Variants in CKAP5 observed in about 807,000 individuals in gnomAD.
The protein encoded by CKAP5 is cytoskeleton associated protein 5, also known as cytoskeleton-associated protein 5.
In CKAP5, 27 loss-of-function variants were observed where a neutral mutation model predicts 232.8. That is an observed-to-expected ratio of 0.12 (90% confidence interval 0.09 to 0.16). The LOEUF (loss-of-function observed/expected upper bound fraction) is 0.16. Ranked by LOEUF, CKAP5 falls within the 10% of genes least tolerant of loss-of-function variation. The pLI is 1.00. For synonymous variants in CKAP5, 785 were observed against 841.1 expected, an observed-to-expected ratio of 0.93 and a Z score of 1.16; for missense variants, 1,838 against 2,424.7, an observed-to-expected ratio of 0.76 and a Z score of 5.08.
At position 46,792,815 on chromosome 11, in the gene CKAP5, G is replaced by A. The variant is rs1938772626; in HGVS notation, c.1651-2232C>T. Reference sequence around the variant, plus strand: ...CAAGTGGGTTACAGCAAGAAAATCTGGACACATCTTTTAAGGTTTTGGGTC... The same window carrying A: ...CAAGTGGGTTACAGCAAGAAAATCTAGACACATCTTTTAAGGTTTTGGGTC... On this transcript the variant is annotated intron_variant, in intron 13 of 43. Coordinates refer to ENST00000529230, the MANE Select transcript of CKAP5 (RefSeq NM_001008938.4). Among the ~76,000 whole-genome samples the A allele has an allele frequency of 2.0e-5, 3 of 152,252 alleles. No homozygotes were observed. In the South Asian group the frequency reaches 6.2e-4, roughly 32 times the overall value.
intron 23 of CKAP5, 150 bp from the exon 24 acceptor site, chr11:46,776,533 G>C (rs188812677): frequency 5.9e-5 from 31 of 529,516 alleles, no homozygotes; most frequent in African/African-American, 5.1e-4. Flanking sequence ...ACAGAAACTA[G>C]TTCTATGATT....
chr11:46,776,607 T>C (rs1358740917), intron 23 of CKAP5, among the ~76,000 whole-genome samples: 1 of 152,188 alleles, frequency 6.6e-6, no homozygotes, highest in East Asian at 1.9e-4. Context: ...GTGTACTCAG[T>C]TAATCAGGCA....
intron 8 of CKAP5, among the ~76,000 whole-genome samples, chr11:46,806,038 T>C (rs1939146335): frequency 1.3e-5 from 2 of 152,250 alleles, no homozygotes; most frequent in South Asian, 4.1e-4. Context: ...AAGTTAACTT[T>C]TCATTGTTTT....
intron 18 of CKAP5, 139 bp downstream of exon 18, chr11:46,783,135 G>A: frequency 7.9e-6 from 4 of 506,142 alleles, no homozygotes; most frequent in Non-Finnish European, 1.0e-5. Flanking sequence ...GAGAACAAAG[G>A]TAATTTTCTT....
chr11:46,770,643 G>A (rs1327556885), intron 25 of CKAP5, 145 bp downstream of exon 25: 10 of 686,320 alleles, frequency 1.5e-5, no homozygotes, highest in Non-Finnish European at 1.2e-5. Flanking sequence ...TGGCCAGGCT[G>A]GTCTTGAACT....
chr11:46,758,677 A>T, intron 35 of CKAP5: 1 of 368,474 alleles, frequency 2.7e-6, no homozygotes, highest in Non-Finnish European at 4.9e-6. Context: ...ACTGTACTCC[A>T]GCCTGGACAA....
At chr11:46,831,539 T>C (rs904485306) in intron 1 of CKAP5, among the ~76,000 whole-genome samples, 1 of 152,218 alleles carries the variant, frequency 6.6e-6, no homozygotes, top group Non-Finnish European at 1.5e-5. Context: ...TTCTGTTTTT[T>C]GTTTTTTGAG....
intron 16 of CKAP5, among the ~76,000 whole-genome samples, chr11:46,785,950 C>T (rs2065388545): frequency 3.3e-5 from 5 of 151,798 alleles, no homozygotes; most frequent in Non-Finnish European, 1.5e-5. Context: ...TTGTCTCAAA[C>T]CCCCAAAATT....
At chr11:46,752,183 TATATATATATACACACAC>T (rs1159366404) in intron 38 of CKAP5, among the ~76,000 whole-genome samples, 16 of 65,642 alleles carry the variant, frequency 2.4e-4, no homozygotes, top group African/African-American at 6.9e-4. Context: ...TATATATATA[TATATATATATACACACAC>T]ACACACACAC....
At chr11:46,745,795 T>A (rs2065018134) in intron 42 of CKAP5, among the ~76,000 whole-genome samples, 1 of 151,528 alleles carries the variant, frequency 6.6e-6, no homozygotes, top group African/African-American at 2.4e-5. Flanking sequence ...TTAAAAAAAA[T>A]TCAAAAATTA....
chr11:46,786,708 C>T (rs879670597), intron 16 of CKAP5, among the ~76,000 whole-genome samples: 6 of 152,136 alleles, frequency 3.9e-5, no homozygotes, highest in Admixed American at 3.9e-4. Flanking sequence ...CCAGGAAAGA[C>T]TGAAAAGGGC....
intron 42 of CKAP5, among the ~76,000 whole-genome samples, chr11:46,747,654 T>C (rs542202509): frequency 5.0e-4 from 73 of 145,830 alleles, no homozygotes; most frequent in Middle Eastern, 7.3e-3. Flanking sequence ...AACAAAGATG[T>C]GAAAGAGGAA....
intron 20 of CKAP5, among the ~76,000 whole-genome samples, chr11:46,778,995 G>C (rs1433091516): frequency 6.6e-6 from 1 of 152,096 alleles, no homozygotes; most frequent in Non-Finnish European, 1.5e-5. Context: ...CAGGAGAATT[G>C]CTTGAACCTG....
rs528385820 is a variant in CKAP5 at position 46,823,960 on chromosome 11, A to T, written c.-37-2692T>A. On this transcript the variant is annotated intron_variant, in intron 1 of 43. Coordinates refer to ENST00000529230, the MANE Select transcript of CKAP5 (RefSeq NM_001008938.4). The stretch of plus-strand genomic sequence containing the variant: ...TTTATTGAATATATACTCTGGTAAT[A>T]TCTATTCTGAATCAGGCATGGTGCA... Among the ~76,000 whole-genome samples, 6 of 152,296 alleles carry T rather than the reference A, an allele frequency of 3.9e-5. No individual in the cohort carries two copies. In the South Asian group the frequency reaches 1.2e-3, roughly 32 times the overall value.
chr11:46,821,061 C>A, intron 2 of CKAP5, 114 bp downstream of exon 2: 1 of 613,136 alleles, frequency 1.6e-6, no homozygotes, highest in South Asian at 2.9e-5. Context: ...TCTAACAAGG[C>A]ATCAGTATTT....
chr11:46,798,901 T>C (rs1938961464), intron 9 of CKAP5, among the ~76,000 whole-genome samples: 1 of 152,232 alleles, frequency 6.6e-6, no homozygotes, highest in Non-Finnish European at 1.5e-5. Flanking sequence ...AACAAACCAA[T>C]AAAGCAAACA....
At chr11:46,747,474 C>T (rs1227015479) in intron 42 of CKAP5, among the ~76,000 whole-genome samples, 1 of 151,602 alleles carries the variant, frequency 6.6e-6, no homozygotes, top group Non-Finnish European at 1.5e-5. Flanking sequence ...TGGAGGTGCA[C>T]GTCTATAATC....
At position 46,796,905 on chromosome 11, in the gene CKAP5, G is replaced by A. The variant is rs147577269; in HGVS notation, c.1374C>T (p.Ala458=). 151 of 1,613,882 alleles carry A rather than the reference G, an allele frequency of 9.4e-5. No individual in the cohort carries two copies. The African/African-American group carries it at 1.6e-3, about 18-fold the overall frequency. Reference sequence around the variant, plus strand: ...AAGCAGTACCCAATGCTTCAAATGCGGCATCTCTGACTTCAGGAGCAGAAT... The same window carrying A: ...AAGCAGTACCCAATGCTTCAAATGCAGCATCTCTGACTTCAGGAGCAGAAT... ...INDSAPEVRD[A]AFEALGTALK... Residue 458 remains alanine (A), a synonymous_variant, in exon 12 of 44, where the codon GCC becomes GCT. Transcript: ENST00000529230.
chr11:46,823,250 TCTATCTAGACAACAC>T (rs1555167617), intron 1 of CKAP5, among the ~76,000 whole-genome samples: 1 of 152,134 alleles, frequency 6.6e-6, no homozygotes, highest in Non-Finnish European at 1.5e-5. Flanking sequence ...CCCTATGCTA[TCTATCTAGACAACAC>T]CTTTTTCTTA....
Sources: allele counts gnomAD v4.1 joint callset (sites outside exome capture counted in the v4.1 genomes callset), GRCh38; gene constraint gnomAD v4.1.1; transcripts MANE v1.5; gene names NCBI Gene and HGNC (gene_info 2026-07-23, HGNC 2026-07-21).